COL11A1: variants seen among roughly 807,000 people sequenced by gnomAD.
The protein encoded by COL11A1 is collagen alpha-1(XI) chain.
Under a neutral mutation model 265.2 loss-of-function variants are expected in COL11A1, and 74 were observed. That is an observed-to-expected ratio of 0.28 (90% CI 0.23 to 0.34). The LOEUF (loss-of-function observed/expected upper bound fraction) is 0.34. COL11A1 is among the 10% of genes least tolerant of loss of function. COL11A1 has a pLI of 1.00. For synonymous variants in COL11A1, 816 were observed against 727.6 expected, an observed-to-expected ratio of 1.12 and a Z score of -1.96; for missense variants, 2,165 against 2,263.6, an observed-to-expected ratio of 0.96 and a Z score of 0.88.
intron 46 of COL11A1, among the ~76,000 whole-genome samples, chr1:102,929,822 G>T (rs574438810): frequency 0.011 from 1,730 of 152,098 alleles, 31 homozygotes; most frequent in African/African-American, 0.04. Flanking sequence ...TTGTAAGTTG[G>T]ATTCCTAGGT....
At chr1:103,096,040 G>A (rs1382363444) in intron 1 of COL11A1, among the ~76,000 whole-genome samples, 2 of 151,914 alleles carry the variant, frequency 1.3e-5, no homozygotes, top group African/African-American at 2.4e-5. Context: ...TTCTAAATGA[G>A]ATTTAAAAAC....
At chr1:103,076,520 CA>C (rs1446535932) in intron 3 of COL11A1, among the ~76,000 whole-genome samples, 1 of 152,130 alleles carries the variant, frequency 6.6e-6, no homozygotes, top group Non-Finnish European at 1.5e-5. Flanking sequence ...ATCCCAGCCA[CA>C]AGGCTGCCTC....
At chr1:102,920,226 T>C (rs538649207) in intron 49 of COL11A1, 85 bp downstream of exon 49, 32 of 1,190,060 alleles carry the variant, frequency 2.7e-5, no homozygotes, top group Non-Finnish European at 4.0e-5. Flanking sequence ...GAAACACACA[T>C]ACTAGAAGCA....
intron 36 of COL11A1, among the ~76,000 whole-genome samples, chr1:102,973,941 T>C (rs1038261633): frequency 6.6e-6 from 1 of 152,222 alleles, no homozygotes; most frequent in Admixed American, 6.5e-5. Context: ...GTATTGTTCA[T>C]CTGGACTAGC....
chr1:102,927,845 T>C (rs2101119781), intron 46 of COL11A1, among the ~76,000 whole-genome samples: 2 of 152,314 alleles, frequency 1.3e-5, no homozygotes, highest in East Asian at 3.9e-4. Flanking sequence ...CGACTTAATT[T>C]ATTTTACCTA....
In COL11A1 at chr1:102,929,999, A is replaced by G. The variant is rs1327232414; in HGVS notation, c.3600+4450T>C. Among the ~76,000 whole-genome samples the G allele has an allele frequency of 8.5e-5, 13 of 152,172 alleles. No individual in the cohort carries two copies. The East Asian group carries it at 1.5e-3, about 18-fold the overall frequency. ...GCTTAAGGAGATTTTGGGCTGAGAC[A>G]ATGGGGTTTTCTAGATATACAATCA... On this transcript the variant is annotated intron_variant, in intron 46 of 66. Transcript: ENST00000370096.
chr1:103,075,269 C>A (rs1380580738), intron 3 of COL11A1, among the ~76,000 whole-genome samples: 1 of 152,138 alleles, frequency 6.6e-6, no homozygotes, highest in African/African-American at 2.4e-5. Flanking sequence ...TAGAGCAAGT[C>A]AACGTCCTAA....
intron 54 of COL11A1, among the ~76,000 whole-genome samples, chr1:102,908,990 C>A (rs1570696153): frequency 6.6e-6 from 1 of 152,014 alleles, no homozygotes; most frequent in East Asian, 1.9e-4. Flanking sequence ...TTCACAATAT[C>A]ATGTAATCTT....
intron 4 of COL11A1, among the ~76,000 whole-genome samples, chr1:103,043,681 G>C (rs1391946721): frequency 6.6e-6 from 1 of 151,986 alleles, no homozygotes; most frequent in Non-Finnish European, 1.5e-5. Flanking sequence ...AAACTGTAAA[G>C]TATATACAAA....
intron 4 of COL11A1, among the ~76,000 whole-genome samples, chr1:103,043,249 T>G (rs144245175): frequency 0.031 from 4,576 of 146,158 alleles, 116 homozygotes; most frequent in Middle Eastern, 0.093. Context: ...ATACATCATA[T>G]ATATGAAATA....
At chr1:102,945,892 G>C (rs912547419) in intron 42 of COL11A1, among the ~76,000 whole-genome samples, 1 of 151,398 alleles carries the variant, frequency 6.6e-6, no homozygotes, top group African/African-American at 2.4e-5. Flanking sequence ...GTTTATTGCG[G>C]CACTATTCAC....
At chr1:102,937,179 T>C (rs6682134) in intron 44 of COL11A1, among the ~76,000 whole-genome samples, 75,020 of 151,972 alleles carry the variant, frequency 0.49, 20,763 homozygotes, top group East Asian at 0.87. Flanking sequence ...CATATGATAG[T>C]AACCCACATA....
Position 103,014,493 on chromosome 1 carries a change from A to G in COL11A1, c.1572+18T>C. The stretch of plus-strand genomic sequence containing the variant: ...AGAGTCAGTCATCTTGTGGGAATGC[A>G]AGTTTATCCTGTCTTACCCGAGCCT... On this transcript the variant is annotated intron_variant, in intron 13 of 66. Coordinates refer to ENST00000370096, the MANE Select transcript of COL11A1 (RefSeq NM_001854.4). The G allele has an allele frequency of 6.2e-7, 1 of 1,609,070 alleles. No homozygotes were observed. The highest frequency in any genetic ancestry group is 1.3e-5 in the African/African-American group (1 of 74,924).
chr1:103,046,386 G>A (rs887896708), intron 4 of COL11A1, among the ~76,000 whole-genome samples: 1 of 150,686 alleles, frequency 6.6e-6, no homozygotes, highest in African/African-American at 2.4e-5. Flanking sequence ...TGTGTTTTTT[G>A]GCTGCATAAA....
chr1:102,898,005 C>A (rs1652665085), intron 57 of COL11A1, 120 bp downstream of exon 57: 1 of 482,946 alleles, frequency 2.1e-6, no homozygotes, highest in Non-Finnish European at 3.7e-6. Flanking sequence ...TAATATACTT[C>A]TTGGACTATT....
intron 1 of COL11A1, among the ~76,000 whole-genome samples, chr1:103,099,602 A>G (rs1407390625): frequency 6.6e-6 from 1 of 151,668 alleles, no homozygotes; most frequent in Non-Finnish European, 1.5e-5. Context: ...GACTATTTCC[A>G]ATGATCGATT....
chr1:103,038,127 C>A lies in COL11A1; in HGVS notation c.652-6883G>T, dbSNP rs534987765. Among the ~76,000 whole-genome samples, 6 of 152,198 alleles carry A rather than the reference C, an allele frequency of 3.9e-5. No individual in the cohort carries two copies. In the East Asian group the frequency reaches 1.2e-3, roughly 29 times the overall value. On this transcript the variant is annotated intron_variant, in intron 4 of 66. Transcript: ENST00000370096. ...GTAAAATAGCATTAAACATAAAAAGCATCTTAAACAAAACTTTTGAGGGAT... is the reference window on the plus strand; with the variant it reads ...GTAAAATAGCATTAAACATAAAAAGAATCTTAAACAAAACTTTTGAGGGAT...
chr1:103,001,602 T>C (rs1320839671), intron 24 of COL11A1: 1 of 460,182 alleles, frequency 2.2e-6, no homozygotes, highest in Non-Finnish European at 3.8e-6. Flanking sequence ...TAATTACTTT[T>C]TTGTAAAATA....
Position 102,965,499 on chromosome 1 carries a change from C to T in COL11A1, c.2904G>A (p.Val968=). Residue 968 remains valine (V), a synonymous_variant, in exon 38 of 67, where the codon GTG becomes GTA. Transcript: ENST00000370096. ...CAAAGGAACATACCTGTGGTCCAAC[C>T]ACTCCCCCTGGCCCAGGAGGGCCGG... ...GKTGPPGPGG[V]VGPQGPTGET... 1 of 1,613,600 alleles carries T rather than the reference C, an allele frequency of 6.2e-7. No homozygotes were observed.
Sources: gnomAD v4.1 joint callset for allele counts (sites outside exome capture counted in the v4.1 genomes callset) on GRCh38, gnomAD v4.1.1 for gene constraint, MANE v1.5 for transcripts, NCBI Gene and HGNC (gene_info 2026-07-23, HGNC 2026-07-21) for gene names.